The following KIF6 variants were observed in gnomAD, a reference collection of about 807,000 sequenced individuals.
KIF6 encodes kinesin-like protein KIF6.
A neutral mutation model predicts 112.7 loss-of-function variants in KIF6; 106 were observed. The ratio of observed to expected loss-of-function variants is 0.94; its 90% CI spans 0.80 to 1.11. The LOEUF is 1.11. KIF6 is among the 50% of genes least tolerant of loss of function. KIF6 has a pLI of 0.00. For synonymous variants in KIF6, 339 were observed against 339.9 expected (o/e 1.00, Z 0.03); for missense variants, 929 against 964.0 (o/e 0.96, Z 0.48).
intron 16 of KIF6, among the ~76,000 whole-genome samples, chr6:39,381,529 C>A (rs1318470735): frequency 6.6e-6 from 1 of 152,144 alleles, no homozygotes; most frequent in African/African-American, 2.4e-5. Context: ...TTACCGGAGC[C>A]CTCTGTCCTA....
At chr6:39,360,664 A>G (rs1397667042) in intron 17 of KIF6, 134 bp from the exon 18 acceptor site, 4 of 967,050 alleles carry the variant, frequency 4.1e-6, no homozygotes, top group Non-Finnish European at 3.1e-6. Context: ...CTGGGACCCT[A>G]TAGGAGCTTC....
chr6:39,586,464 C>A, intron 7 of KIF6, 60 bp from the exon 8 acceptor site: 2 of 1,381,268 alleles, frequency 1.4e-6, no homozygotes, highest in Non-Finnish European at 2.0e-6. Context: ...TCCTGACAAA[C>A]AACAGAGCTT....
intron 13 of KIF6, among the ~76,000 whole-genome samples, chr6:39,535,219 C>G (rs146951213): frequency 0.033 from 4,974 of 152,216 alleles, 206 homozygotes; most frequent in African/African-American, 0.095. Flanking sequence ...ACAATACTAA[C>G]TTTAAATGTA....
chr6:39,665,035 G>A (rs1017516538), intron 3 of KIF6, among the ~76,000 whole-genome samples: 1 of 152,154 alleles, frequency 6.6e-6, no homozygotes, highest in Non-Finnish European at 1.5e-5. Context: ...ATGAAGTTAT[G>A]AGCATATGAG....
intron 14 of KIF6, among the ~76,000 whole-genome samples, chr6:39,423,720 T>C (rs1359013531): frequency 6.6e-6 from 1 of 152,092 alleles, no homozygotes; most frequent in East Asian, 1.9e-4. Context: ...ATGGCTCATG[T>C]CAGTAACCTG....
chr6:39,612,638 C>A (rs1157114093), intron 6 of KIF6, among the ~76,000 whole-genome samples: 1 of 152,144 alleles, frequency 6.6e-6, no homozygotes, highest in Admixed American at 6.5e-5. Context: ...AGTGGTGTTA[C>A]CAGATATGCC....
intron 3 of KIF6, among the ~76,000 whole-genome samples, chr6:39,696,277 A>G (rs1253410207): frequency 3.3e-5 from 5 of 152,116 alleles, no homozygotes; most frequent in Admixed American, 3.3e-4. Context: ...CCGCACATGT[A>G]CCCCTGAATC....
intron 6 of KIF6, among the ~76,000 whole-genome samples, chr6:39,597,475 G>A (rs1054718021): frequency 6.6e-6 from 1 of 152,156 alleles, no homozygotes; most frequent in Admixed American, 6.6e-5. Context: ...TGCTCACTGA[G>A]GAGCTCTGTA....
intron 6 of KIF6, among the ~76,000 whole-genome samples, chr6:39,599,618 T>C (rs141496747): frequency 1.1e-3 from 162 of 152,334 alleles, no homozygotes; most frequent in African/African-American, 3.8e-3. Flanking sequence ...AACTCAAATT[T>C]AGAACCTAAG....
intron 3 of KIF6, among the ~76,000 whole-genome samples, chr6:39,646,753 T>C (rs1240547254): frequency 6.6e-6 from 1 of 152,214 alleles, no homozygotes; most frequent in East Asian, 1.9e-4. Context: ...CAAAACATCT[T>C]TGCATAAATC....
chr6:39,588,121 G>A (rs1361511153), intron 7 of KIF6, among the ~76,000 whole-genome samples: 1 of 152,062 alleles, frequency 6.6e-6, no homozygotes, highest in Non-Finnish European at 1.5e-5. Context: ...ACTTTGTAGT[G>A]CCCCGGGGCT....
chr6:39,487,170 A>T (rs770194565), intron 13 of KIF6, among the ~76,000 whole-genome samples: 8 of 152,214 alleles, frequency 5.3e-5, no homozygotes, highest in Non-Finnish European at 8.8e-5. Flanking sequence ...TTTTTACTTA[A>T]ATGAATTTAT....
chr6:39,400,346 C>T (rs1768599415), intron 15 of KIF6, among the ~76,000 whole-genome samples: 1 of 152,232 alleles, frequency 6.6e-6, no homozygotes. Context: ...ATATTCCTAA[C>T]TCATGCCAAT....
intron 10 of KIF6, among the ~76,000 whole-genome samples, chr6:39,549,641 G>A (rs1482351000): frequency 1.3e-5 from 2 of 152,186 alleles, no homozygotes; most frequent in Non-Finnish European, 1.5e-5. Context: ...AGGCAAATAG[G>A]TGGACGAAGA....
chr6:39,624,247 C>T (rs552965339), intron 5 of KIF6, among the ~76,000 whole-genome samples: 25 of 152,022 alleles, frequency 1.6e-4, no homozygotes, highest in Non-Finnish European at 2.8e-4. Flanking sequence ...ATTGAAGAGA[C>T]GAATACAGAT....
At position 39,440,049 on chromosome 6, in the gene KIF6, T is replaced by C. The variant is rs568120764; in HGVS notation, c.1646-8888A>G. On this transcript the variant is annotated intron_variant, in intron 13 of 22. Coordinates refer to ENST00000287152, the MANE Select transcript of KIF6 (RefSeq NM_145027.6). The stretch of plus-strand genomic sequence containing the variant: ...AAAAATATATTTTCCTTGGGAGATA[T>C]TCACTCGCGTGGGGCCTCGGTTCCC... Among the ~76,000 whole-genome samples, 191 of 152,270 alleles carry C rather than the reference T, an allele frequency of 1.3e-3. 1 individual carries two copies. Among genetic ancestry groups the C allele is most frequent in the African/African-American group, 4.4e-3 (181 of 41,542 alleles).
At chr6:39,522,264 C>T (rs1777441276) in intron 13 of KIF6, among the ~76,000 whole-genome samples, 1 of 152,118 alleles carries the variant, frequency 6.6e-6, no homozygotes, top group African/African-American at 2.4e-5. Flanking sequence ...ACTATTCCTC[C>T]GTTGAGATTT....
intron 3 of KIF6, among the ~76,000 whole-genome samples, chr6:39,675,430 T>C (rs976802584): frequency 6.6e-6 from 1 of 152,140 alleles, no homozygotes; most frequent in Admixed American, 6.5e-5. Context: ...CATGCAAATC[T>C]CAATCACAGA....
chr6:39,529,261 G>C (rs1777909905), intron 13 of KIF6, among the ~76,000 whole-genome samples: 1 of 152,164 alleles, frequency 6.6e-6, no homozygotes, highest in South Asian at 2.1e-4. Context: ...TAATTTTTTA[G>C]ATTTGACCCA....
Sources: allele counts gnomAD v4.1 joint callset (sites outside exome capture counted in the v4.1 genomes callset), GRCh38; gene constraint gnomAD v4.1.1; transcripts MANE v1.5; gene names NCBI Gene and HGNC (gene_info 2026-07-23, HGNC 2026-07-21).